MAST4: variants seen among roughly 807,000 people sequenced by gnomAD.
MAST4 encodes microtubule associated serine/threonine kinase family member 4, also known as microtubule-associated serine/threonine-protein kinase 4.
Under a neutral mutation model 162.7 loss-of-function variants are expected in MAST4, and 89 were observed. That is an observed-to-expected ratio of 0.55 (90% CI 0.46 to 0.65). MAST4 has a LOEUF of 0.65. Ranked by LOEUF, MAST4 falls within the 30% of genes least tolerant of loss-of-function variation. The pLI, the probability that MAST4 is intolerant of heterozygous loss-of-function variation, is 0.00. For synonymous variants in MAST4, 1,479 were observed against 1,361.1 expected, an observed-to-expected ratio of 1.09 and a Z score of -1.91; for missense variants, 3,153 against 3,374.0, an observed-to-expected ratio of 0.93 and a Z score of 1.62.
intron 2 of MAST4, among the ~76,000 whole-genome samples, chr5:66,768,245 T>C (rs1394443893): frequency 6.6e-6 from 1 of 152,218 alleles, no homozygotes; most frequent in African/African-American, 2.4e-5. Context: ...AGAACTTGTT[T>C]GTAAAGCACT....
intron 2 of MAST4, among the ~76,000 whole-genome samples, chr5:66,781,878 G>C (rs529368747): frequency 9.9e-5 from 15 of 152,278 alleles, no homozygotes; most frequent in Non-Finnish European, 7.4e-5. Flanking sequence ...CAGTGATAAA[G>C]TAGATCTCCA....
intron 1 of MAST4, among the ~76,000 whole-genome samples, chr5:66,658,664 T>C (rs1746705843): frequency 6.6e-6 from 1 of 152,198 alleles, no homozygotes. Context: ...TAATGGTTCC[T>C]TCATTAGTGA....
chr5:66,721,738 T>A (rs1288854774), intron 1 of MAST4, among the ~76,000 whole-genome samples: 2 of 151,096 alleles, frequency 1.3e-5, no homozygotes, highest in African/African-American at 2.4e-5. Context: ...GAATGCCTGG[T>A]AGGTACCTCC....
At chr5:66,951,598 ATGTGTGTGTGTGTGTGTGTG>A (rs59043309) in intron 4 of MAST4, among the ~76,000 whole-genome samples, 39 of 122,416 alleles carry the variant, frequency 3.2e-4, no homozygotes, top group East Asian at 1.7e-3. Flanking sequence ...CTCCCATGAT[ATGTGTGTGTGTGTGTGTGTG>A]TGTGTGTGTG....
intron 1 of MAST4, among the ~76,000 whole-genome samples, chr5:66,731,068 A>G (rs1751819073): frequency 6.6e-6 from 1 of 152,226 alleles, no homozygotes; most frequent in African/African-American, 2.4e-5. Flanking sequence ...TAAAATAAGC[A>G]TTATCCCACC....
chr5:67,166,827 G>GCT lies in MAST4; in HGVS notation c.7654_7655dup (p.Val2553ArgfsTer2). The GCT allele has an allele frequency of 6.2e-7, 1 of 1,604,432 alleles. No homozygotes were observed. Among genetic ancestry groups the GCT allele is most frequent in the Non-Finnish European group, 8.5e-7 (1 of 1,175,982 alleles). On this transcript the variant is annotated frameshift_variant, in exon 29 of 29. Coordinates refer to ENST00000403625, the MANE Select transcript of MAST4 (RefSeq NM_001164664.2). LOFTEE classifies it low-confidence loss of function (END_TRUNC). ...GGGCGGGGCCAGCCACCGGGACAGG[G>GCT]CTCTCTCGGTGACTGCCACCGTAGG... is the stretch of plus-strand genomic sequence containing the variant.
At chr5:66,973,339 AGTT>A (rs1450981105) in intron 4 of MAST4, among the ~76,000 whole-genome samples, 1 of 151,034 alleles carries the variant, frequency 6.6e-6, no homozygotes, top group Non-Finnish European at 1.5e-5. Context: ...TGTTCCATTG[AGTT>A]GTTGTATCTC....
chr5:66,907,155 AAGCGAGAG>A (rs1554066729), intron 4 of MAST4, among the ~76,000 whole-genome samples: 1 of 112,030 alleles, frequency 8.9e-6, no homozygotes, highest in Admixed American at 9.5e-5. Flanking sequence ...ACTCTCAGCA[AAGCGAGAG>A]AGAGAGAGAG....
chr5:66,600,665 G>A (rs1214556674), intron 1 of MAST4, among the ~76,000 whole-genome samples: 1 of 152,188 alleles, frequency 6.6e-6, no homozygotes, highest in Admixed American at 6.5e-5. Context: ...ATTATGATAT[G>A]CAAACCTCTA....
At chr5:67,013,302 C>T (rs1365291495) in intron 4 of MAST4, among the ~76,000 whole-genome samples, 1 of 152,090 alleles carries the variant, frequency 6.6e-6, no homozygotes, top group Non-Finnish European at 1.5e-5. Context: ...GTTCAAGTGG[C>T]AGTATCTTTT....
At chr5:67,113,535 C>G (rs1766516336) in intron 11 of MAST4, among the ~76,000 whole-genome samples, 1 of 151,998 alleles carries the variant, frequency 6.6e-6, no homozygotes, top group Non-Finnish European at 1.5e-5. Context: ...TTGTTCTTTA[C>G]TTTATGTGAA....
At chr5:66,914,030 A>G (rs768923278) in intron 4 of MAST4, among the ~76,000 whole-genome samples, 19 of 152,282 alleles carry the variant, frequency 1.2e-4, no homozygotes, top group Admixed American at 3.3e-4. Flanking sequence ...TAGCTTTATA[A>G]TAAGTCTTGA....
In MAST4 at chr5:67,167,449, A is replaced by T. The variant is rs2151151160; in HGVS notation, c.*398A>T. 6.3e-6 allele frequency: 1 copy of T among 157,674 alleles called. No individual in the cohort carries two copies. The highest frequency in any genetic ancestry group is 1.8e-4 in the East Asian group (1 of 5,438). The allele number at this position is 157,674 out of a possible 1,614,324, so 9.8% of individuals were successfully genotyped here. A position where few individuals can be genotyped will look rare whatever the true frequency, so the allele number is the denominator to read the frequency against. On this transcript the variant is annotated 3_prime_UTR_variant, in exon 29 of 29. Transcript: ENST00000403625. ...AGATTTTTGCTTTACCATTTATCAT[A>T]ATGTAGTAATGAAGCAAAATGGTCA...
At chr5:67,138,269 T>C (rs1462601882) in intron 19 of MAST4, among the ~76,000 whole-genome samples, 1 of 152,228 alleles carries the variant, frequency 6.6e-6, no homozygotes, top group Admixed American at 6.5e-5. Context: ...AAACATTTCC[T>C]CCAGAGTCAT....
intron 2 of MAST4, among the ~76,000 whole-genome samples, chr5:66,760,520 G>C (rs759670438): frequency 9.2e-5 from 14 of 152,104 alleles, no homozygotes; most frequent in Admixed American, 5.2e-4. Context: ...GCTCTTCCTA[G>C]TCAAACCCAC....
At chr5:66,834,450 T>C (rs906485486) in intron 3 of MAST4, among the ~76,000 whole-genome samples, 1 of 152,098 alleles carries the variant, frequency 6.6e-6, no homozygotes, top group South Asian at 2.1e-4. Flanking sequence ...GAAGCCAGCT[T>C]AGACACCAGA....
intron 5 of MAST4, among the ~76,000 whole-genome samples, chr5:67,064,034 A>G (rs1029570963): frequency 2.6e-5 from 4 of 152,192 alleles, no homozygotes; most frequent in Non-Finnish European, 5.9e-5. Flanking sequence ...GTAAATAGGC[A>G]GTTGTTGTTA....
intron 1 of MAST4, among the ~76,000 whole-genome samples, chr5:66,730,094 G>C (rs934007991): frequency 6.6e-6 from 1 of 151,974 alleles, no homozygotes; most frequent in African/African-American, 2.4e-5. Flanking sequence ...TGGTGGATGT[G>C]GATGAAGGAT....
chr5:67,116,866 C>G (rs991104426), intron 12 of MAST4, among the ~76,000 whole-genome samples: 1 of 152,088 alleles, frequency 6.6e-6, no homozygotes, highest in Admixed American at 6.5e-5. Context: ...ACATTTGTTT[C>G]CCTTTCTTGT....
Sources: allele counts gnomAD v4.1 joint callset (sites outside exome capture counted in the v4.1 genomes callset), GRCh38; gene constraint gnomAD v4.1.1; transcripts MANE v1.5; gene names NCBI Gene and HGNC (gene_info 2026-07-23, HGNC 2026-07-21).